STX8: variants seen among roughly 807,000 people sequenced by gnomAD.
STX8 encodes the protein syntaxin 8, also known as syntaxin-8.
Under a neutral mutation model 37.5 loss-of-function variants are expected in STX8, and 23 were observed. The observed-to-expected ratio is 0.61, with a 90% CI of 0.44 to 0.87. The LOEUF is 0.87. Among genes scored for constraint, STX8 ranks in the 40% least tolerant of loss-of-function variants. The pLI is 0.00. For missense variants in STX8, 313 were observed against 284.7 expected, an observed-to-expected ratio of 1.10 and a Z score of -0.71; for synonymous variants, 115 against 99.1, an observed-to-expected ratio of 1.16 and a Z score of -0.95.
chr17:9,252,296 T>C (rs1906612617), intron 7 of STX8, among the ~76,000 whole-genome samples: 1 of 152,060 alleles, frequency 6.6e-6, no homozygotes, highest in South Asian at 2.1e-4. Flanking sequence ...TACAAAAAAT[T>C]AGCCTGGCGT....
intron 7 of STX8, among the ~76,000 whole-genome samples, chr17:9,267,501 G>A (rs1388942802): frequency 1.3e-5 from 2 of 152,172 alleles, no homozygotes; most frequent in South Asian, 2.1e-4. Context: ...ACCACAGCAC[G>A]AGTGAGACCT....
intron 2 of STX8, among the ~76,000 whole-genome samples, chr17:9,562,103 T>TAAA (rs11439031): frequency 2.0e-5 from 3 of 147,822 alleles, no homozygotes; most frequent in African/African-American, 4.9e-5. Flanking sequence ...CAACTTCATT[T>TAAA]AAAAAAAAAA....
At chr17:9,308,721 CAAAAAAAAAA>C (rs1171647976) in intron 7 of STX8, among the ~76,000 whole-genome samples, 3 of 71,374 alleles carry the variant, frequency 4.2e-5, no homozygotes, top group Non-Finnish European at 5.8e-5. Context: ...GAAACTCCGT[CAAAAAAAAAA>C]AAAAAAAAAA....
Position 9,487,356 on chromosome 17 carries a change from C to T in STX8, c.541+4473G>A, listed in dbSNP as rs372184060. ...CAGCCAATGTGCTGCCCTTTTCCAG[C>T]GCCCCTGACTCCCTATCACTCAGAT... On this transcript the variant is annotated intron_variant, in intron 6 of 7. Transcript: ENST00000306357. Among the ~76,000 whole-genome samples, 3 of 152,134 alleles carry T rather than the reference C, an allele frequency of 2.0e-5. No homozygotes were observed. In the East Asian group the frequency reaches 5.8e-4, roughly 29 times the overall value.
chr17:9,418,332 C>T (rs1913271731), intron 6 of STX8, among the ~76,000 whole-genome samples: 1 of 152,018 alleles, frequency 6.6e-6, no homozygotes, highest in Admixed American at 6.6e-5. Flanking sequence ...TTTTAAAACT[C>T]TCAAGGTGAT....
intron 3 of STX8, 88 bp from the exon 4 acceptor site, chr17:9,545,370 G>A (rs1906462881): frequency 7.2e-6 from 7 of 966,260 alleles, no homozygotes; most frequent in Non-Finnish European, 1.1e-5. Flanking sequence ...AGTCAGTTGT[G>A]GCTTTTACAG....
chr17:9,547,246 C>CAAAAAAA (rs11300957), intron 3 of STX8: 21 of 129,642 alleles, frequency 1.6e-4, no homozygotes, highest in African/African-American at 6.4e-4. Context: ...GACTCTGTCT[C>CAAAAAAA]AAAAAAAAAA....
At chr17:9,557,607 T>A (rs1907031843) in intron 2 of STX8, 79 bp from the exon 3 acceptor site, 1 of 1,249,438 alleles carries the variant, frequency 8.0e-7, no homozygotes. Flanking sequence ...AAACACTACT[T>A]CACGGGCTAT....
intron 6 of STX8, among the ~76,000 whole-genome samples, chr17:9,410,271 T>C (rs1912936836): frequency 6.6e-6 from 1 of 152,236 alleles, no homozygotes; most frequent in Non-Finnish European, 1.5e-5. Context: ...TCAAATTATA[T>C]CTGCTGATAA....
At chr17:9,384,641 A>G (rs1911926980) in intron 6 of STX8, among the ~76,000 whole-genome samples, 1 of 151,204 alleles carries the variant, frequency 6.6e-6, no homozygotes, top group African/African-American at 2.5e-5. Flanking sequence ...CTCCATCTCA[A>G]ACAAAACAAA....
chr17:9,434,384 A>C (rs1010330338), intron 6 of STX8, among the ~76,000 whole-genome samples: 2 of 152,168 alleles, frequency 1.3e-5, no homozygotes, highest in East Asian at 3.8e-4. Context: ...AAAACAACAC[A>C]ATCAGATTTG....
chr17:9,372,090 A>G (rs1911420518), intron 7 of STX8, among the ~76,000 whole-genome samples: 2 of 152,220 alleles, frequency 1.3e-5, no homozygotes, highest in Admixed American at 1.3e-4. Flanking sequence ...GAGCTATAAC[A>G]GGTGAGTCTG....
intron 7 of STX8, among the ~76,000 whole-genome samples, chr17:9,262,869 G>A (rs1053441697): frequency 2.0e-5 from 3 of 152,016 alleles, no homozygotes; most frequent in African/African-American, 4.8e-5. Context: ...CACCACGCTC[G>A]GCCACAAATT....
intron 7 of STX8, among the ~76,000 whole-genome samples, chr17:9,312,994 C>T (rs1909245685): frequency 6.6e-6 from 1 of 151,912 alleles, no homozygotes. Flanking sequence ...AGTTTGAGAC[C>T]AACCTGACCA....
At chr17:9,518,492 G>A (rs1038018118) in intron 4 of STX8, among the ~76,000 whole-genome samples, 6 of 152,104 alleles carry the variant, frequency 3.9e-5, no homozygotes, top group African/African-American at 1.4e-4. Context: ...GGTTCCTTGG[G>A]AATTCGACTT....
intron 6 of STX8, among the ~76,000 whole-genome samples, chr17:9,443,076 G>A (rs1210624156): frequency 6.6e-6 from 1 of 152,200 alleles, no homozygotes; most frequent in Non-Finnish European, 1.5e-5. Flanking sequence ...TTGCTCAGAT[G>A]TTTGGAAGAT....
At chr17:9,410,062 T>C (rs528893950) in intron 6 of STX8, among the ~76,000 whole-genome samples, 1 of 152,214 alleles carries the variant, frequency 6.6e-6, no homozygotes, top group African/African-American at 2.4e-5. Flanking sequence ...AAAAACTGCT[T>C]TGGCAAGAGA....
chr17:9,274,386 C>T (rs1052145864), intron 7 of STX8, among the ~76,000 whole-genome samples: 2 of 151,966 alleles, frequency 1.3e-5, no homozygotes, highest in Non-Finnish European at 2.9e-5. Flanking sequence ...GTCTTCAGGC[C>T]GGGCGCGGTG....
intron 7 of STX8, among the ~76,000 whole-genome samples, chr17:9,326,406 G>A (rs1337299837): frequency 2.0e-5 from 3 of 152,188 alleles, no homozygotes; most frequent in African/African-American, 7.2e-5. Flanking sequence ...ACAGGTGTGA[G>A]CCACTGTGCC....
Sources: allele counts gnomAD v4.1 joint callset (sites outside exome capture counted in the v4.1 genomes callset), GRCh38; gene constraint gnomAD v4.1.1; transcripts MANE v1.5; gene names NCBI Gene and HGNC (gene_info 2026-07-23, HGNC 2026-07-21).